The following GADL1 variants were observed in gnomAD, a reference collection of about 807,000 sequenced individuals.
The protein encoded by GADL1 is acidic amino acid decarboxylase GADL1.
GADL1 carries 71 observed loss-of-function variants against 69.5 expected under a neutral mutation model. The ratio of observed to expected loss-of-function variants is 1.02; its 90% CI spans 0.84 to 1.25. The LOEUF (loss-of-function observed/expected upper bound fraction) is 1.25, where lower values mean the gene tolerates loss of function less well. Ranked by LOEUF, GADL1 falls within the 50% of genes most tolerant of loss-of-function variation. GADL1 has a pLI of 0.00. For missense variants in GADL1, 737 were observed against 631.8 expected, an observed-to-expected ratio of 1.17 and a Z score of -1.79; for synonymous variants, 254 against 214.4, an observed-to-expected ratio of 1.18 and a Z score of -1.62.
At chr3:30,884,404 AGTCCTTAAAGAGGT>A (rs1182864338) in intron 1 of GADL1, among the ~76,000 whole-genome samples, 1 of 152,058 alleles carries the variant, frequency 6.6e-6, no homozygotes, top group East Asian at 1.9e-4. Flanking sequence ...TCGAAGGGAC[AGTCCTTAAAGAGGT>A]GGTGGCAACA....
At chr3:30,728,460 A>C in intron 14 of GADL1, 45 bp from the exon 15 acceptor site, 5 of 1,503,418 alleles carry the variant, frequency 3.3e-6, no homozygotes, top group Non-Finnish European at 4.6e-6. Flanking sequence ...CCAGAACATC[A>C]AGGCATTTCA....
Position 30,779,273 on chromosome 3 carries a change from TCCTC to T in GADL1, c.1303-1009_1303-1006del, listed in dbSNP as rs1195028345. On this transcript the variant is annotated intron_variant, in intron 13 of 14. Transcript: ENST00000282538. The stretch of plus-strand genomic sequence containing the variant: ...AGGAAAGATTGTGTCATATGCATCT[TCCTC>T]ATTTGATGCTTCACACTGACAATAT... Among the ~76,000 whole-genome samples, 3 of 152,244 alleles carry T rather than the reference TCCTC, an allele frequency of 2.0e-5. No homozygotes were observed. In the East Asian group the frequency reaches 5.8e-4, roughly 29 times the overall value.
chr3:30,861,012 C>T (rs1698312128), intron 2 of GADL1, among the ~76,000 whole-genome samples: 1 of 151,868 alleles, frequency 6.6e-6, no homozygotes. Flanking sequence ...ATGTCATTAG[C>T]GGCGGTTCTA....
intron 14 of GADL1, among the ~76,000 whole-genome samples, chr3:30,760,973 T>TA (rs1696112909): frequency 9.2e-6 from 1 of 108,506 alleles, no homozygotes; most frequent in African/African-American, 3.3e-5. Flanking sequence ...CAATGGCTAA[T>TA]AAATATTTAC....
chr3:30,733,898 C>T (rs920807152), intron 14 of GADL1, among the ~76,000 whole-genome samples: 4 of 152,056 alleles, frequency 2.6e-5, no homozygotes, highest in African/African-American at 7.2e-5. Flanking sequence ...CGTGCCTCCC[C>T]CTTCTGAGGG....
intron 13 of GADL1, 92 bp from the exon 14 acceptor site, chr3:30,778,360 G>T: frequency 1.3e-6 from 1 of 771,906 alleles, no homozygotes; most frequent in Non-Finnish European, 2.2e-6. Flanking sequence ...GTTTCTTCAA[G>T]AGTTATCATG....
At chr3:30,808,777 T>A (rs1486022329) in intron 11 of GADL1, among the ~76,000 whole-genome samples, 2 of 152,214 alleles carry the variant, frequency 1.3e-5, no homozygotes, top group Non-Finnish European at 2.9e-5. Flanking sequence ...TTTATCTTTC[T>A]CTTTTTTCTT....
intron 11 of GADL1, among the ~76,000 whole-genome samples, chr3:30,824,375 A>G (rs1424045803): frequency 6.6e-6 from 1 of 150,862 alleles, no homozygotes; most frequent in African/African-American, 2.5e-5. Flanking sequence ...ACATTTTTAA[A>G]GAAGCAAAAT....
intron 9 of GADL1, among the ~76,000 whole-genome samples, chr3:30,837,992 T>C (rs1478039472): frequency 6.6e-6 from 1 of 152,180 alleles, no homozygotes; most frequent in Non-Finnish European, 1.5e-5. Context: ...CTTTGAATCA[T>C]ATCACAGACA....
intron 11 of GADL1, among the ~76,000 whole-genome samples, chr3:30,815,222 T>C (rs1175892395): frequency 1.3e-5 from 2 of 152,238 alleles, no homozygotes; most frequent in Non-Finnish European, 2.9e-5. Flanking sequence ...TACTCTGTGA[T>C]AAAACTGGTT....
In GADL1 at chr3:30,728,342, T is replaced by C. The variant is rs777637585; in HGVS notation, c.1466A>G (p.Lys489Arg). 1 of 1,613,940 alleles carries C rather than the reference T, an allele frequency of 6.2e-7. No individual in the cohort carries two copies. The highest frequency in any genetic ancestry group is 2.2e-5 in the East Asian group (1 of 44,852). Residue 489 changes from lysine to arginine, a missense_variant, in exon 15 of 15, where the codon AAG becomes AGG. By Grantham distance (26) the Lys-to-Arg change is conservative. Coordinates refer to ENST00000282538, the MANE Select transcript of GADL1 (RefSeq NM_207359.3). ...LMLGYQPHRG[K>R]VNFFRQVVIS... ...CACCACCTGGCGGAAGAAGTTGACC[T>C]TTCCCCGGTGCGGCTGGTAGCCCAG...
chr3:30,813,335 ATTTC>A (rs1362185308), intron 11 of GADL1, among the ~76,000 whole-genome samples: 1 of 151,726 alleles, frequency 6.6e-6, no homozygotes, highest in Non-Finnish European at 1.5e-5. Flanking sequence ...CACAGGACAT[ATTTC>A]TTCAGTCTAG....
intron 9 of GADL1, among the ~76,000 whole-genome samples, chr3:30,837,897 C>T (rs1246871590): frequency 6.6e-6 from 1 of 152,172 alleles, no homozygotes; most frequent in South Asian, 2.1e-4. Flanking sequence ...CAAGTATTGC[C>T]ATTGGCATAC....
chr3:30,763,846 T>G (rs1696201700), intron 14 of GADL1, among the ~76,000 whole-genome samples: 1 of 151,972 alleles, frequency 6.6e-6, no homozygotes, highest in African/African-American at 2.4e-5. Context: ...CAGAAAATTC[T>G]AAATGTGAAG....
chr3:30,877,293 A>G (rs1034177551), intron 1 of GADL1, among the ~76,000 whole-genome samples: 6 of 151,928 alleles, frequency 3.9e-5, no homozygotes, highest in Admixed American at 1.3e-4. Context: ...ACATGAAACA[A>G]TAAAAGAACA....
In GADL1 at chr3:30,822,841, C is replaced by T. The variant is rs1361917389; in HGVS notation, c.1050+11012G>A. Among the ~76,000 whole-genome samples, 3 of 151,980 alleles carry T rather than the reference C, an allele frequency of 2.0e-5. No individual in the cohort carries two copies. In the East Asian group the frequency reaches 5.8e-4, roughly 29 times the overall value. ...ATAACTAAATAATAGCATATGTTTG[C>T]TTAAAATGTTACTAACCTTTGACTT... On this transcript the variant is annotated intron_variant, in intron 11 of 14. Transcript: ENST00000282538.
intron 14 of GADL1, among the ~76,000 whole-genome samples, chr3:30,730,055 T>C (rs1337931320): frequency 1.3e-5 from 2 of 152,202 alleles, no homozygotes; most frequent in Non-Finnish European, 2.9e-5. Flanking sequence ...ATGTGACACA[T>C]TTTATTCTGA....
chr3:30,766,941 T>C (rs888416462), intron 14 of GADL1, among the ~76,000 whole-genome samples: 1 of 152,188 alleles, frequency 6.6e-6, no homozygotes, highest in African/African-American at 2.4e-5. Context: ...CAAAAAGGCA[T>C]GGAGAAGATA....
At position 30,800,950 on chromosome 3, in the gene GADL1, A is replaced by T. The variant is rs751550063; in HGVS notation, c.1189T>A (p.Trp397Arg). Residue 397 changes from tryptophan to arginine, a missense_variant, in exon 12 of 15, where the codon TGG (tryptophan) becomes AGG (arginine). Coordinates refer to ENST00000282538, the MANE Select transcript of GADL1 (RefSeq NM_207359.3). ...RPDAFKFWMTWKALGTLGLEE... is the reference protein window; with the variant it reads ...RPDAFKFWMTRKALGTLGLEE... The stretch of plus-strand genomic sequence containing the variant: ...AGGCCTAATGTACCCAGGGCCTTCC[A>T]GGTCATCCAGAACTTGAATGCATCT... The T allele has an allele frequency of 3.1e-6, 5 of 1,613,698 alleles. No individual in the cohort carries two copies. The African/African-American group carries it at 6.7e-5, about 22-fold the overall frequency.
Sources: gnomAD v4.1 joint callset for allele counts (sites outside exome capture counted in the v4.1 genomes callset) on GRCh38, gnomAD v4.1.1 for gene constraint, MANE v1.5 for transcripts, NCBI Gene and HGNC (gene_info 2026-07-23, HGNC 2026-07-21) for gene names.